Variants in SSH2 observed in about 807,000 individuals in gnomAD.
SSH2 encodes slingshot protein phosphatase 2.
A neutral mutation model predicts 135.2 loss-of-function variants in SSH2; 37 were observed. The ratio of observed to expected loss-of-function variants is 0.27; its 90% CI spans 0.21 to 0.36. SSH2 has a LOEUF of 0.36. Among genes scored for constraint, SSH2 ranks in the 10% least tolerant of loss-of-function variants. SSH2 has a pLI of 1.00. For missense variants in SSH2, 1,408 were observed against 1,765.3 expected, an observed-to-expected ratio of 0.80 and a Z score of 3.63; for synonymous variants, 628 against 646.2, an observed-to-expected ratio of 0.97 and a Z score of 0.43.
intron 1 of SSH2, among the ~76,000 whole-genome samples, chr17:29,858,759 C>A (rs1323193679): frequency 6.6e-6 from 1 of 152,124 alleles, no homozygotes. Flanking sequence ...GTCGCCCTAA[C>A]TACTCGGGAG....
intron 5 of SSH2, 72 bp from the exon 6 acceptor site, chr17:29,684,756 C>A: frequency 6.8e-7 from 1 of 1,459,918 alleles, no homozygotes; most frequent in Non-Finnish European, 9.4e-7. Context: ...AACCCTTTTT[C>A]ATCAGCATCT....
intron 3 of SSH2, among the ~76,000 whole-genome samples, chr17:29,744,173 G>T (rs985186534): frequency 1.8e-4 from 28 of 152,258 alleles, no homozygotes; most frequent in Admixed American, 2.6e-4. Flanking sequence ...GGGGGAGTGG[G>T]GGGCGCAGCT....
At chr17:29,916,313 G>A (rs2066880674) in intron 1 of SSH2, among the ~76,000 whole-genome samples, 1 of 152,074 alleles carries the variant, frequency 6.6e-6, no homozygotes, top group South Asian at 2.1e-4. Context: ...GTACCATATT[G>A]CCCCTATTTT....
rs141590849 is a variant in SSH2, at chr17:29,873,297, C to T, written c.64-24368G>A. ...CAAAGAGGCCGGGCGCAGTGGCTCA[C>T]ACCTGTAATCCCAGCACTTTGGGAG... On this transcript the variant is annotated intron_variant, in intron 1 of 15. Transcript: ENST00000540801. 7.2e-3 allele frequency among the ~76,000 whole-genome samples: 1,091 copies of T among 152,206 alleles called. 11 individuals carry two copies. Among genetic ancestry groups the T allele is most frequent in the African/African-American group, 0.021 (889 of 41,534 alleles).
At chr17:29,754,422 G>T (rs1355295795) in intron 3 of SSH2, among the ~76,000 whole-genome samples, 2 of 152,124 alleles carry the variant, frequency 1.3e-5, no homozygotes, top group African/African-American at 2.4e-5. Flanking sequence ...TCATGAAAAG[G>T]TACATTTTGG....
At chr17:29,912,014 A>G (rs564088844) in intron 1 of SSH2, among the ~76,000 whole-genome samples, 2 of 152,312 alleles carry the variant, frequency 1.3e-5, no homozygotes, top group South Asian at 2.1e-4. Flanking sequence ...CCCAGGCTCT[A>G]TTGCAACTAG....
At chr17:29,894,885 A>G (rs2066416106) in intron 1 of SSH2, among the ~76,000 whole-genome samples, 1 of 146,900 alleles carries the variant, frequency 6.8e-6, no homozygotes. Context: ...CGCCCCCCCA[A>G]TACAGCTTCA....
At chr17:29,721,509 C>T (rs556548924) in intron 3 of SSH2, among the ~76,000 whole-genome samples, 126 of 152,292 alleles carry the variant, frequency 8.3e-4, no homozygotes, top group Non-Finnish European at 1.5e-3. Context: ...AGCTAGAATT[C>T]TGAGGGTCTT....
At chr17:29,680,732 C>T (rs180675639) in intron 6 of SSH2, among the ~76,000 whole-genome samples, 14 of 151,866 alleles carry the variant, frequency 9.2e-5, no homozygotes, top group South Asian at 2.1e-4. Flanking sequence ...ATGAGATGAG[C>T]GCACAAAAAA....
intron 1 of SSH2, among the ~76,000 whole-genome samples, chr17:29,896,646 T>A (rs1367634418): frequency 6.6e-6 from 1 of 151,590 alleles, no homozygotes; most frequent in Non-Finnish European, 1.5e-5. Flanking sequence ...TTATTGCTGG[T>A]CTTTTTCATT....
At chr17:29,886,751 A>AG (rs1286977213) in intron 1 of SSH2, among the ~76,000 whole-genome samples, 1 of 151,858 alleles carries the variant, frequency 6.6e-6, no homozygotes, top group African/African-American at 2.4e-5. Flanking sequence ...CATCTCAAAA[A>AG]AAAAAAAAAA....
chr17:29,765,752 G>A (rs1438969706), intron 3 of SSH2, among the ~76,000 whole-genome samples: 2 of 151,990 alleles, frequency 1.3e-5, no homozygotes, highest in Admixed American at 6.6e-5. Flanking sequence ...GGGCATGGTG[G>A]CTTATGCCTG....
intron 6 of SSH2, among the ~76,000 whole-genome samples, chr17:29,681,399 T>C (rs1199844883): frequency 1.9e-5 from 2 of 107,558 alleles, no homozygotes; most frequent in African/African-American, 7.1e-5. Flanking sequence ...AAGGACTGAA[T>C]AAGGCACGCT....
intron 4 of SSH2, among the ~76,000 whole-genome samples, chr17:29,702,389 T>C (rs1424483169): frequency 6.7e-6 from 1 of 150,262 alleles, no homozygotes; most frequent in Non-Finnish European, 1.5e-5. Context: ...GCGTGGTGGC[T>C]GAAGTCTGTA....
At chr17:29,736,785 T>TGAAAA (rs2040381407) in intron 3 of SSH2, among the ~76,000 whole-genome samples, 1 of 9,254 alleles carries the variant, frequency 1.1e-4, no homozygotes. Flanking sequence ...AGACTCTGTC[T>TGAAAA]CAAAAAAAAA....
At chr17:29,794,804 A>G (rs1293934915) in intron 2 of SSH2, among the ~76,000 whole-genome samples, 1 of 152,238 alleles carries the variant, frequency 6.6e-6, no homozygotes, top group African/African-American at 2.4e-5. Context: ...ATTGACTCCC[A>G]GCTAGCTGAA....
intron 3 of SSH2, among the ~76,000 whole-genome samples, chr17:29,775,335 C>T (rs1446640087): frequency 6.7e-6 from 1 of 148,462 alleles, no homozygotes; most frequent in Non-Finnish European, 1.5e-5. Flanking sequence ...AGCGCCCATG[C>T]TGAAGTGCAC....
Position 29,789,953 on chromosome 17 carries a change from G to T in SSH2, c.188+3941C>A, listed in dbSNP as rs117804745. 4.2e-3 allele frequency among the ~76,000 whole-genome samples: 642 copies of T among 152,270 alleles called. 3 individuals carry two copies. Among genetic ancestry groups the T allele is most frequent in the Middle Eastern group, 0.01 (3 of 294 alleles). On this transcript the variant is annotated intron_variant, in intron 3 of 15. Transcript: ENST00000540801. ...AGTGCTTAATTTACCTGGTTTCACA[G>T]GTTCACAGCTGGAGAGGAATGTTGG... is the stretch of plus-strand genomic sequence containing the variant.
intron 4 of SSH2, among the ~76,000 whole-genome samples, chr17:29,698,493 A>T (rs1375796937): frequency 6.6e-6 from 1 of 151,924 alleles, no homozygotes; most frequent in South Asian, 2.1e-4. Context: ...TTTTTATTTT[A>T]TTTTTTTCTT....
Sources: allele counts gnomAD v4.1 joint callset (sites outside exome capture counted in the v4.1 genomes callset), GRCh38; gene constraint gnomAD v4.1.1; transcripts MANE v1.5; gene names NCBI Gene and HGNC (gene_info 2026-07-23, HGNC 2026-07-21).